Variants in FGF13 observed in about 807,000 individuals in gnomAD.
FGF13 encodes fibroblast growth factor 13.
FGF13 carries 2 observed loss-of-function variants against 19.5 expected under a neutral mutation model. That is an observed-to-expected ratio of 0.10 (90% confidence interval 0.04 to 0.32). The LOEUF is 0.32. Among genes scored for constraint, FGF13 ranks in the 10% least tolerant of loss-of-function variants. FGF13 has a pLI of 1.00. For synonymous variants in FGF13, 72 were observed against 76.9 expected (o/e 0.94, Z 0.33); for missense variants, 113 against 192.7 (o/e 0.59, Z 2.45).
intron 1 of FGF13, among the ~76,000 whole-genome samples, chrX:139,138,819 A>T (rs373797055): frequency 1.8e-5 from 2 of 111,641 alleles, no homozygotes; most frequent in African/African-American, 3.3e-5. Flanking sequence ...AGGATGTCCA[A>T]TGACTTGCCA....
chrX:139,076,747 T>C (rs751639094), intron 1 of FGF13, among the ~76,000 whole-genome samples: 2 of 112,014 alleles, frequency 1.8e-5, no homozygotes, highest in African/African-American at 3.2e-5. Context: ...CACCTTGACG[T>C]TGGGAAAGAA....
intron 3 of FGF13, among the ~76,000 whole-genome samples, chrX:138,809,844 C>T (rs752197417): frequency 1.6e-3 from 179 of 111,186 alleles, no homozygotes; most frequent in African/African-American, 5.6e-3. Context: ...CCATTCACAA[C>T]TGCTTCAAAG....
intron 1 of FGF13, among the ~76,000 whole-genome samples, chrX:138,999,643 T>C (rs931407982): frequency 9.0e-6 from 1 of 111,566 alleles, no homozygotes; most frequent in Admixed American, 9.5e-5. Context: ...CAGGAAGAAG[T>C]CAAATCTCTG....
intron 1 of FGF13, among the ~76,000 whole-genome samples, chrX:139,060,069 G>A (rs180950578): frequency 5.8e-4 from 65 of 111,612 alleles, no homozygotes; most frequent in African/African-American, 2.1e-3. Context: ...ATACTAATTT[G>A]ATGGTTGTGA....
Position 138,711,255 on chromosome X carries a change from C to A in FGF13, c.-252G>T. On this transcript the variant is annotated 5_prime_UTR_variant, in exon 1 of 5. Coordinates refer to ENST00000315930, the MANE Select transcript of FGF13 (RefSeq NM_004114.5). Reference sequence around the variant, plus strand: ...GCCTGGGTCGGAGTCGACGCCACAGCCCCGGGCCCGGGATCGCGGGCGAGA... The same window carrying A: ...GCCTGGGTCGGAGTCGACGCCACAGACCCGGGCCCGGGATCGCGGGCGAGA... 4.4e-6 allele frequency: 4 copies of A among 916,041 alleles called. No individual in the cohort carries two copies. The highest frequency in any genetic ancestry group is 4.0e-6 in the Non-Finnish European group (3 of 757,741). 75.5% of individuals were successfully genotyped at this position (916,041 alleles called of 1,213,427 possible).
chrX:138,692,339 A>G (rs1291736216), intron 3 of FGF13, among the ~76,000 whole-genome samples: 1 of 110,613 alleles, frequency 9.0e-6, no homozygotes, highest in Non-Finnish European at 1.9e-5. Flanking sequence ...TTTGTAGGCA[A>G]ACTATTTCAA....
At chrX:138,727,892 A>G (rs1002411651) in intron 1 of FGF13, among the ~76,000 whole-genome samples, 2 of 111,612 alleles carry the variant, frequency 1.8e-5, no homozygotes, top group African/African-American at 6.5e-5. Flanking sequence ...TGTGCAAAAA[A>G]TGTCTCCCAA....
At chrX:138,812,655 G>C (rs1479690190) in intron 3 of FGF13, among the ~76,000 whole-genome samples, 1 of 111,294 alleles carries the variant, frequency 9.0e-6, no homozygotes, top group Non-Finnish European at 1.9e-5. Flanking sequence ...GGGAAATATA[G>C]TTACACATGT....
chrX:138,689,360 A>T, intron 3 of FGF13, among the ~76,000 whole-genome samples: 1 of 108,690 alleles, frequency 9.2e-6, no homozygotes, highest in Middle Eastern at 4.8e-3. Flanking sequence ...AGTTTGTTGC[A>T]AAACAACTTT....
intron 1 of FGF13, among the ~76,000 whole-genome samples, chrX:139,161,045 C>A (rs968728748): frequency 5.4e-5 from 6 of 111,388 alleles, no homozygotes; most frequent in East Asian, 2.8e-4. Flanking sequence ...ACAACAACAA[C>A]AAAAAAATTT....
chrX:138,805,391 C>A (rs754062274), intron 3 of FGF13, among the ~76,000 whole-genome samples: 1 of 111,822 alleles, frequency 8.9e-6, no homozygotes, highest in Non-Finnish European at 1.9e-5. Flanking sequence ...AACATAAGCA[C>A]ACCCATACTT....
At chrX:139,059,945 T>C (rs1603169396) in intron 1 of FGF13, among the ~76,000 whole-genome samples, 1 of 112,083 alleles carries the variant, frequency 8.9e-6, no homozygotes, top group East Asian at 2.8e-4. Flanking sequence ...TTGACTTTGC[T>C]AGGTGTTGCC....
chrX:138,869,886 G>T (rs2091348943), intron 1 of FGF13, among the ~76,000 whole-genome samples: 1 of 111,786 alleles, frequency 8.9e-6, no homozygotes, highest in Admixed American at 9.6e-5. Flanking sequence ...TCCTTGCAGG[G>T]ATTACAGATG....
At chrX:139,059,430 A>AG (rs1556348517) in intron 1 of FGF13, among the ~76,000 whole-genome samples, 55 of 107,395 alleles carry the variant, frequency 5.1e-4, no homozygotes, top group African/African-American at 1.2e-3. Context: ...TTAAAAAAAA[A>AG]AGAGAGAGAG....
chrX:138,875,995 T>TACACACAC (rs749175408), intron 1 of FGF13, among the ~76,000 whole-genome samples: 53 of 98,055 alleles, frequency 5.4e-4, no homozygotes, highest in African/African-American at 1.1e-3. Flanking sequence ...TATCGGCTTG[T>TACACACAC]ACACACACAC....
intron 1 of FGF13, among the ~76,000 whole-genome samples, chrX:139,065,648 A>G (rs1362644227): frequency 9.0e-6 from 1 of 110,936 alleles, no homozygotes; most frequent in Non-Finnish European, 1.9e-5. Flanking sequence ...TATGCACCCA[A>G]AACGGGAGTA....
At chrX:139,070,843 T>C (rs756880301) in intron 1 of FGF13, among the ~76,000 whole-genome samples, 1 of 111,699 alleles carries the variant, frequency 9.0e-6, no homozygotes, top group African/African-American at 3.3e-5. Context: ...TACAGGGACA[T>C]GGATGAAGCT....
chrX:138,650,953 C>G (rs1445222918), intron 3 of FGF13, among the ~76,000 whole-genome samples: 1 of 111,806 alleles, frequency 8.9e-6, no homozygotes, highest in South Asian at 3.7e-4. Context: ...CAACATGCTA[C>G]AAAACACACT....
chrX:138,710,807 C>G lies in FGF13; in HGVS notation c.187+10G>C. ...AGTATGGGGAAAAGAAAGCAAAAGC[C>G]CTTTCCGACCTGGTCTTCTTCTGCG... On this transcript the variant is annotated intron_variant, in intron 1 of 4. Transcript: ENST00000315930. 8.3e-7 allele frequency: 1 copy of G among 1,210,901 alleles called. No individual in the cohort carries two copies. Among genetic ancestry groups the G allele is most frequent in the Non-Finnish European group, 1.1e-6 (1 of 894,905 alleles).
Sources: allele counts gnomAD v4.1 joint callset (sites outside exome capture counted in the v4.1 genomes callset), GRCh38; gene constraint gnomAD v4.1.1; transcripts MANE v1.5; gene names NCBI Gene and HGNC (gene_info 2026-07-23, HGNC 2026-07-21).